UBAP1L: variants seen among roughly 807,000 people sequenced by gnomAD.
UBAP1L encodes ubiquitin associated protein 1 like.
UBAP1L carries 32 observed loss-of-function variants against 32.1 expected under a neutral mutation model. The ratio of observed to expected loss-of-function variants is 1.00; its 90% confidence interval spans 0.75 to 1.34. UBAP1L has a LOEUF of 1.34. UBAP1L is among the 40% of genes most tolerant of loss of function. The probability of loss-of-function intolerance (pLI) is 0.00; values close to 1 mark genes in which losing one functional copy is unlikely to be tolerated. For synonymous variants in UBAP1L, 243 were observed against 250.2 expected, an observed-to-expected ratio of 0.97 and a Z score of 0.27; for missense variants, 516 against 540.5, an observed-to-expected ratio of 0.95 and a Z score of 0.45.
At chr15:65,106,415 AACAAGAGCATTCACACGG>A in intron 1 of UBAP1L, 27 bp from the exon 2 acceptor site, 1 of 513,422 alleles carries the variant, frequency 1.9e-6, no homozygotes, top group East Asian at 3.6e-5. Flanking sequence ...AATGAATAAA[AACAAGAGCATTCACACGG>A]ACAGAAATTC....
chr15:65,102,429 T>G lies in UBAP1L; in HGVS notation c.376A>C (p.Ser126Arg). The G allele has an allele frequency of 7.0e-7, 1 of 1,425,962 alleles. No individual in the cohort carries two copies. Among genetic ancestry groups the G allele is most frequent in the Non-Finnish European group, 9.1e-7 (1 of 1,093,164 alleles). The allele number at this position is 1,425,962 out of a possible 1,614,324, so 88.3% of individuals were successfully genotyped here. Residue 126 changes from serine (S) to arginine (R), a missense_variant, in exon 3 of 6, where the codon AGC becomes CGC. Physicochemically the swap from Ser to Arg is moderately radical, Grantham distance 110. Transcript: ENST00000559089. The surrounding 1 kb of genome is among the most constrained non-coding windows in gnomAD (Gnocchi z 5.0). The stretch of plus-strand genomic sequence containing the variant: ...GCCGGGGAGCCCGGTTGGAGGCTGC[T>G]GGGGGCCGGCTCTTCCTCGCTGCCA... The part of the protein sequence containing the change: ...SSGSEEEPAP[S>R]SLQPGSPASP...
Position 65,102,269 on chromosome 15 carries a change from C to T in UBAP1L, c.536G>A (p.Arg179His). ...GCACAGGCTCAGCGCGCGGTGGCCG[C>T]GGAGGCCATGCAGGAGGGCGCGGGG... ...SRPRALLHGL[R>H]GHRALSLCPS... Residue 179 changes from arginine to histidine, a missense_variant, in exon 3 of 6, where the codon CGC becomes CAC. By Grantham distance (29) the Arg-to-His change is conservative. Coordinates refer to ENST00000559089, the MANE Select transcript of UBAP1L (RefSeq NM_001163692.2). The surrounding 1 kb of genome is among the most constrained non-coding windows in gnomAD (Gnocchi z 5.0). 1 of 1,331,178 alleles carries T rather than the reference C, an allele frequency of 7.5e-7. No homozygotes were observed. The highest frequency in any genetic ancestry group is 9.6e-7 in the Non-Finnish European group (1 of 1,046,578). The allele number at this position is 1,331,178 out of a possible 1,614,324, so 82.5% of individuals were successfully genotyped here. A position where few individuals can be genotyped will look rare whatever the true frequency, so the allele number is the denominator to read the frequency against.
chr15:65,102,761 A>C lies in UBAP1L; in HGVS notation c.121-77T>G. The C allele has an allele frequency of 7.4e-7, 1 of 1,353,552 alleles. No homozygotes were observed. The allele number at this position is 1,353,552 out of a possible 1,614,324, so 83.8% of individuals were successfully genotyped here. On this transcript the variant is annotated intron_variant, in intron 2 of 5. Coordinates refer to ENST00000559089, the MANE Select transcript of UBAP1L (RefSeq NM_001163692.2). The surrounding 1 kb of genome is among the most constrained non-coding windows in gnomAD (Gnocchi z 5.0). ...ACAACACTAACCCCTGGCCTGGGGG[A>C]CCCTGTTCAGCCAGAGACTCTCTAA...
chr15:65,112,629 C>A (rs542823296), intron 1 of UBAP1L, among the ~76,000 whole-genome samples: 1 of 152,102 alleles, frequency 6.6e-6, no homozygotes, highest in South Asian at 2.1e-4. Context: ...TTTATTCTTG[C>A]CCAGAGCTTC....
chr15:65,094,619 C>T lies in UBAP1L; in HGVS notation c.910-43G>A, dbSNP rs1211190327. On this transcript the variant is annotated intron_variant, in intron 4 of 5. Coordinates refer to ENST00000559089, the MANE Select transcript of UBAP1L (RefSeq NM_001163692.2). This position sits in a 1 kb window ranked among gnomAD's most constrained non-coding sequence, Gnocchi z 4.2. ...AGAGAGGGAGGGAGGGTAAGAGGAG[C>T]AGCCGGGGCAGCAGACAGGGCAGAG... 3 of 1,432,108 alleles carry T rather than the reference C, an allele frequency of 2.1e-6. No individual in the cohort carries two copies. The highest frequency in any genetic ancestry group is 2.9e-6 in the Non-Finnish European group (3 of 1,040,832). 88.7% of individuals were successfully genotyped at this position (1,432,108 alleles called of 1,614,324 possible). A position where few individuals can be genotyped will look rare whatever the true frequency, so the allele number is the denominator to read the frequency against.
At chr15:65,093,252 A>G in intron 5 of UBAP1L, 21 bp from the exon 6 acceptor site, 1 of 1,535,470 alleles carries the variant, frequency 6.5e-7, no homozygotes, top group East Asian at 2.5e-5. Flanking sequence ...GGAGACAGGG[A>G]GGGTGCTGGG....
chr15:65,098,569 T>C (rs1303206443), intron 4 of UBAP1L: 4 of 152,140 alleles, frequency 2.6e-5, no homozygotes, highest in Admixed American at 2.6e-4. Flanking sequence ...GAAGTGACTA[T>C]GTACAATTTC....
chr15:65,099,271 A>G (rs1427024035), intron 4 of UBAP1L: 2 of 535,828 alleles, frequency 3.7e-6, no homozygotes, highest in Non-Finnish European at 6.7e-6. Context: ...GCAGAGATCC[A>G]CTTACCTCAG....
At position 65,102,692 on chromosome 15, in the gene UBAP1L, AAGAAGGCGAC is replaced by A; in HGVS notation, c.121-18_121-9del. ...CTCCAGGCTGAAGTCGTGCTGCGGA[AAGAAGGCGAC>A]GTAAAGCCCAGGGCAAACCAGGACC... On this transcript the variant is annotated splice_polypyrimidine_tract_variant and intron_variant, in intron 2 of 5. Coordinates refer to ENST00000559089, the MANE Select transcript of UBAP1L (RefSeq NM_001163692.2). This position sits in a 1 kb window ranked among gnomAD's most constrained non-coding sequence, Gnocchi z 5.0. 1 of 1,544,730 alleles carries A rather than the reference AAGAAGGCGAC, an allele frequency of 6.5e-7. No homozygotes were observed. Among genetic ancestry groups the A allele is most frequent in the South Asian group, 1.2e-5 (1 of 84,026 alleles).
intron 1 of UBAP1L, 96 bp from the exon 2 acceptor site, chr15:65,106,484 C>T: frequency 6.1e-6 from 2 of 326,408 alleles, no homozygotes; most frequent in Non-Finnish European, 1.1e-5. Flanking sequence ...CACTGTTTTC[C>T]AAAACATGGT....
At chr15:65,096,028 G>A (rs142009139) in intron 4 of UBAP1L, 10 of 152,270 alleles carry the variant, frequency 6.6e-5, no homozygotes, top group Non-Finnish European at 1.2e-4. Context: ...CTAGGTCCCC[G>A]ATTATGTAAC....
At position 65,094,391 on chromosome 15, in the gene UBAP1L, A is replaced by ACG. The variant is rs1243217138; in HGVS notation, c.1011+83_1011+84insCG. On this transcript the variant is annotated intron_variant, in intron 5 of 5. Transcript: ENST00000559089. This position sits in a 1 kb window ranked among gnomAD's most constrained non-coding sequence, Gnocchi z 4.2. ...CTGGACCCACAGACTGGCTCTGAGG[A>ACG]CTGGTGTGGCCCTGCACACCGGGCT... 3.3e-6 allele frequency: 3 copies of ACG among 916,818 alleles called. No individual in the cohort carries two copies. In the East Asian group the frequency reaches 8.0e-5, roughly 24 times the overall value. 56.8% of individuals were successfully genotyped at this position (916,818 alleles called of 1,614,324 possible).
chr15:65,110,336 TGACAGAGTGA>T (rs960011215), intron 1 of UBAP1L, among the ~76,000 whole-genome samples: 8 of 146,682 alleles, frequency 5.5e-5, no homozygotes, highest in Non-Finnish European at 9.0e-5. Flanking sequence ...TCCAGCCTGG[TGACAGAGTGA>T]GACTCTGTCT....
At chr15:65,096,407 T>A (rs1273741032) in intron 4 of UBAP1L, 2 of 152,254 alleles carry the variant, frequency 1.3e-5, no homozygotes, top group African/African-American at 4.8e-5. Context: ...GACCTTGATC[T>A]ATACTATGCC....
Position 65,102,899 on chromosome 15 carries a change from G to C in UBAP1L, c.121-215C>G, listed in dbSNP as rs2087261303. Reference sequence around the variant, plus strand: ...CCAATAACAGTTTAATGGCAAACTGGCATAAATGACAAAGTGATGAATTCG... The same window carrying C: ...CCAATAACAGTTTAATGGCAAACTGCCATAAATGACAAAGTGATGAATTCG... On this transcript the variant is annotated intron_variant, in intron 2 of 5. Coordinates refer to ENST00000559089, the MANE Select transcript of UBAP1L (RefSeq NM_001163692.2). This position sits in a 1 kb window ranked among gnomAD's most constrained non-coding sequence, Gnocchi z 5.0. 6.6e-6 allele frequency among the ~76,000 whole-genome samples: 1 copy of C among 152,196 alleles called. No homozygotes were observed. The highest frequency in any genetic ancestry group is 2.1e-4 in the South Asian group (1 of 4,836).
rs2087149629 is a variant in UBAP1L, at chr15:65,094,235, C to T, written c.1011+240G>A. Among the ~76,000 whole-genome samples the T allele has an allele frequency of 6.6e-6, 1 of 152,200 alleles. No individual in the cohort carries two copies. Among genetic ancestry groups the T allele is most frequent in the South Asian group, 2.1e-4 (1 of 4,836 alleles). On this transcript the variant is annotated intron_variant, in intron 5 of 5. Transcript: ENST00000559089. The surrounding 1 kb of genome is among the most constrained non-coding windows in gnomAD (Gnocchi z 4.2). ...AATAAAGCAAAACCCCTGCTGCTCTCTGCCTCCTGTCCCCGTCCCACCTCT... is the reference window on the plus strand; with the variant it reads ...AATAAAGCAAAACCCCTGCTGCTCTTTGCCTCCTGTCCCCGTCCCACCTCT...
At chr15:65,108,466 C>T (rs569772763) in intron 1 of UBAP1L, among the ~76,000 whole-genome samples, 2 of 152,260 alleles carry the variant, frequency 1.3e-5, no homozygotes, top group East Asian at 3.9e-4. Flanking sequence ...GCTAACGGGC[C>T]AGGCACGTTG....
chr15:65,105,725 T>C, intron 2 of UBAP1L: 1 of 698,032 alleles, frequency 1.4e-6, no homozygotes, highest in Non-Finnish European at 2.7e-6. Context: ...GACGTTACAA[T>C]GGTGGAGTTG....
At chr15:65,095,366 T>A (rs2087160811) in intron 4 of UBAP1L, 1 of 152,292 alleles carries the variant, frequency 6.6e-6, no homozygotes, top group Non-Finnish European at 1.5e-5. Flanking sequence ...ACCCTATGCT[T>A]CCCTGTTACA....
Sources: allele counts gnomAD v4.1 joint callset (sites outside exome capture counted in the v4.1 genomes callset), GRCh38; gene constraint gnomAD v4.1.1; non-coding constraint Gnocchi (gnomAD v3.1); transcripts MANE v1.5; gene names NCBI Gene and HGNC (gene_info 2026-07-23, HGNC 2026-07-21).